Variants in DNAH17 observed in about 807,000 individuals in gnomAD.
DNAH17 encodes axonemal beta dynein heavy chain 17.
DNAH17 carries 376 observed loss-of-function variants against 485.6 expected under a neutral mutation model. That is an observed-to-expected ratio of 0.77 (90% CI 0.71 to 0.84). The LOEUF is 0.84. DNAH17 is among the 40% of genes least tolerant of loss of function. The probability of loss-of-function intolerance (pLI) is 0.00; values close to 1 mark genes in which losing one functional copy is unlikely to be tolerated. For synonymous variants in DNAH17, 3,031 were observed against 2,405.9 expected (o/e 1.26, Z -7.60); for missense variants, 6,370 against 5,839.3 (o/e 1.09, Z -2.96).
At chr17:78,491,649 C>G (rs2089863653) in intron 42 of DNAH17, 79 bp from the exon 43 acceptor site, 1 of 1,530,020 alleles carries the variant, frequency 6.5e-7, no homozygotes, top group Non-Finnish European at 8.8e-7. Flanking sequence ...ACCCTGGCCT[C>G]TCTCTCTGGG....
At chr17:78,429,625 G>A (rs968322318) in intron 75 of DNAH17, among the ~76,000 whole-genome samples, 2 of 152,162 alleles carry the variant, frequency 1.3e-5, no homozygotes, top group Non-Finnish European at 2.9e-5. Context: ...TTTCTGCTGT[G>A]CCTCACTGTG....
At chr17:78,477,994 C>CA (rs1568117267) in intron 51 of DNAH17, among the ~76,000 whole-genome samples, 1 of 134,732 alleles carries the variant, frequency 7.4e-6, no homozygotes, top group East Asian at 2.0e-4. Flanking sequence ...CCACCATCAC[C>CA]ACCACCATCA....
In DNAH17 at chr17:78,426,593, A is replaced by G; in HGVS notation, c.12779T>C (p.Leu4260Pro). The part of the protein sequence containing the change: ...KELNLGLKGE[L>P]TITTDVEDLS... Reference sequence around the variant, plus strand: ...ATCTTCCACGTCGGTCGTGATGGTCAGTTCTCCCTAGGAGACACACAGATG... The same window carrying G: ...ATCTTCCACGTCGGTCGTGATGGTCGGTTCTCCCTAGGAGACACACAGATG... The change falls in exon 79 of 81, where the codon CTG (leucine) becomes CCG (proline). Residue 4260 changes from leucine (L) to proline (P), a missense_variant. Physicochemically the swap from Leu to Pro is moderately conservative, Grantham distance 98 (BLOSUM62 -3). Transcript: ENST00000389840. The G allele has an allele frequency of 6.2e-7, 1 of 1,607,394 alleles. No homozygotes were observed. Among genetic ancestry groups the G allele is most frequent in the Non-Finnish European group, 8.5e-7 (1 of 1,176,200 alleles).
At chr17:78,446,173 C>CAAAAAAAAAAAAAAA (rs1157464118) in intron 69 of DNAH17, among the ~76,000 whole-genome samples, 1 of 57,392 alleles carries the variant, frequency 1.7e-5, no homozygotes, top group African/African-American at 7.7e-5. Flanking sequence ...GACTCTGTCT[C>CAAAAAAAAAAAAAAA]AAAAAAAAAA....
At chr17:78,531,808 C>T (rs1351102348) in intron 20 of DNAH17, among the ~76,000 whole-genome samples, 1 of 152,236 alleles carries the variant, frequency 6.6e-6, no homozygotes, top group Non-Finnish European at 1.5e-5. Context: ...TTCAGACAAT[C>T]TATATCTTTT....
intron 75 of DNAH17, among the ~76,000 whole-genome samples, chr17:78,432,364 G>A (rs570340253): frequency 3.7e-4 from 51 of 139,532 alleles, no homozygotes; most frequent in African/African-American, 1.3e-3. Context: ...TGAAATGTCC[G>A]GCCGGCACCC....
rs2146669648 is a variant in DNAH17, at chr17:78,490,852, G to A, written c.6670-5C>T. 2 of 1,591,872 alleles carry A rather than the reference G, an allele frequency of 1.3e-6. No homozygotes were observed. Among genetic ancestry groups the A allele is most frequent in the Non-Finnish European group, 1.7e-6 (2 of 1,167,868 alleles). On this transcript the variant is annotated splice_polypyrimidine_tract_variant and splice_region_variant and intron_variant, in intron 43 of 80. Coordinates refer to ENST00000389840, the MANE Select transcript of DNAH17 (RefSeq NM_173628.4). Reference sequence around the variant, plus strand: ...GTTGCTGGCCAGGGTGAGGACCTAGGAGGGGGACAGCAGCCCGTGGGGTCC... The same window carrying A: ...GTTGCTGGCCAGGGTGAGGACCTAGAAGGGGGACAGCAGCCCGTGGGGTCC...
At chr17:78,557,219 A>C (rs1273699370) in intron 14 of DNAH17, among the ~76,000 whole-genome samples, 1 of 152,202 alleles carries the variant, frequency 6.6e-6, no homozygotes, top group Admixed American at 6.5e-5. Context: ...GGTTCCAGGA[A>C]ATGCCCATCC....
intron 12 of DNAH17, among the ~76,000 whole-genome samples, 192 bp downstream of exon 12, chr17:78,561,520 TCTC>T (rs1279927513): frequency 6.6e-6 from 1 of 151,968 alleles, no homozygotes; most frequent in African/African-American, 2.4e-5. Context: ...CAGCCAGATT[TCTC>T]CTGAGCACTC....
intron 27 of DNAH17, among the ~76,000 whole-genome samples, chr17:78,508,776 T>G (rs2090556456): frequency 6.6e-6 from 1 of 152,036 alleles, no homozygotes; most frequent in South Asian, 2.1e-4. Context: ...ATTCTAAAAT[T>G]TGTTAATTCT....
chr17:78,575,286 G>C (rs1199840990), intron 1 of DNAH17, among the ~76,000 whole-genome samples: 5 of 152,232 alleles, frequency 3.3e-5, no homozygotes, highest in Non-Finnish European at 5.9e-5. Flanking sequence ...GCCATGGGGG[G>C]TGCCCCGGGA....
rs550526589 is a variant in DNAH17 at position 78,461,624 on chromosome 17, C to A, written c.9259G>T (p.Val3087Phe). 2.5e-6 allele frequency: 4 copies of A among 1,611,056 alleles called. No individual in the cohort carries two copies. Among genetic ancestry groups the A allele is most frequent in the Non-Finnish European group, 1.7e-6 (2 of 1,179,004 alleles). The change falls in exon 58 of 81, where the codon GTC becomes TTC. Residue 3087 changes from valine (V) to phenylalanine (F), a missense_variant. Transcript: ENST00000389840. ...CTGACCTTCTCGGCCTCGATGCCGA[C>A]CACCTGGATCAGTTGGTCTGCGCTC... ...NESADQLIQVVGIEAEKVSKE... is the reference protein window; with the variant it reads ...NESADQLIQVFGIEAEKVSKE...
In DNAH17 at chr17:78,571,282, C is replaced by T. The variant is rs777114530; in HGVS notation, c.829G>A (p.Glu277Lys). 168 of 1,612,242 alleles carry T rather than the reference C, an allele frequency of 1.0e-4. No individual in the cohort carries two copies. The highest frequency in any genetic ancestry group is 1.4e-4 in the Non-Finnish European group (163 of 1,178,916). ...ALQNVYTNVT[E>K]GLKEANDIVL... is the part of the protein sequence containing the mutation. ...CATGACAGGGTCACAGGCTCACCTT[C>T]AGTGACGTTGGTGTAAACGTTTTGC... The change falls in exon 5 of 81, where the codon GAA becomes AAA. Residue 277 changes from glutamate (E) to lysine (K), a missense_variant. Transcript: ENST00000389840.
chr17:78,432,421 A>G (rs1318225342), intron 75 of DNAH17, among the ~76,000 whole-genome samples: 1 of 152,122 alleles, frequency 6.6e-6, no homozygotes, highest in African/African-American at 2.4e-5. Flanking sequence ...CCCCAGTGGC[A>G]TCTATGGCCC....
chr17:78,542,117 G>GCC (rs60167499), intron 17 of DNAH17, among the ~76,000 whole-genome samples: 592 of 18,150 alleles, frequency 0.033, 8 homozygotes, highest in African/African-American at 0.07. Flanking sequence ...ACTGGAAACC[G>GCC]CCCCCCCCAA....
At chr17:78,481,633 T>C (rs1050107143) in intron 48 of DNAH17, among the ~76,000 whole-genome samples, 3 of 152,192 alleles carry the variant, frequency 2.0e-5, no homozygotes, top group Non-Finnish European at 4.4e-5. Flanking sequence ...GAAAAAACAC[T>C]GGGAAGAGTA....
chr17:78,495,172 C>T (rs967484818), intron 38 of DNAH17, 75 bp from the exon 39 acceptor site: 1 of 1,479,572 alleles, frequency 6.8e-7, no homozygotes, highest in African/African-American at 1.4e-5. Flanking sequence ...TCCCTCTTCA[C>T]CTAGGAGAGC....
At position 78,490,487 on chromosome 17, in the gene DNAH17, T is replaced by C. The variant is rs691279; in HGVS notation, c.6818+212A>G. Among the ~76,000 whole-genome samples the C allele has an allele frequency of 0.95, 144,234 of 152,338 alleles. 68,375 individuals carry two copies. Among genetic ancestry groups the C allele is most frequent in the East Asian group, 1 (5,189 of 5,194 alleles). On this transcript the variant is annotated intron_variant, in intron 44 of 80. Transcript: ENST00000389840. Reference sequence around the variant, plus strand: ...CCCTGGCACTTTGTGCAAACATCCGTTTGCTCAGCTGCCCTGCCTCGTGTC... The same window carrying C: ...CCCTGGCACTTTGTGCAAACATCCGCTTGCTCAGCTGCCCTGCCTCGTGTC...
chr17:78,491,611 G>C (rs757102065), intron 42 of DNAH17, 41 bp from the exon 43 acceptor site: 2 of 1,600,124 alleles, frequency 1.2e-6, no homozygotes, highest in South Asian at 1.1e-5. Flanking sequence ...CCTTCACTCC[G>C]GCCCCATTCC....
Sources: gnomAD v4.1 joint callset for allele counts (sites outside exome capture counted in the v4.1 genomes callset) on GRCh38, gnomAD v4.1.1 for gene constraint, MANE v1.5 for transcripts, NCBI Gene and HGNC (gene_info 2026-07-23, HGNC 2026-07-21) for gene names.